Variants in FOXP2 observed in about 807,000 individuals in gnomAD.
FOXP2 encodes forkhead box protein P2.
A neutral mutation model predicts 115.8 loss-of-function variants in FOXP2; 12 were observed. The observed-to-expected ratio is 0.10, with a 90% CI of 0.07 to 0.17. The LOEUF (loss-of-function observed/expected upper bound fraction) is 0.17, where lower values mean the gene tolerates loss of function less well. FOXP2 is among the 10% of genes least tolerant of loss of function. The pLI, the probability that FOXP2 is intolerant of heterozygous loss-of-function variation, is 1.00. For synonymous variants in FOXP2, 328 were observed against 297.7 expected (o/e 1.10, Z -1.05); for missense variants, 629 against 843.5 (o/e 0.75, Z 3.15).
At chr7:114,661,737 CA>C in intron 13 of FOXP2, 1 of 352,884 alleles carries the variant, frequency 2.8e-6, no homozygotes, top group Non-Finnish European at 5.5e-6. Context: ...ATCAGGGACA[CA>C]ACAGAGCTGA....
intron 16 of FOXP2, among the ~76,000 whole-genome samples, chr7:114,681,411 T>G (rs1160080183): frequency 1.3e-5 from 2 of 152,182 alleles, no homozygotes; most frequent in Non-Finnish European, 2.9e-5. Flanking sequence ...GTTAATCTAT[T>G]TAAGATTTTT....
intron 1 of FOXP2, among the ~76,000 whole-genome samples, chr7:114,116,254 T>A (rs917214000): frequency 6.6e-6 from 1 of 152,104 alleles, no homozygotes; most frequent in Non-Finnish European, 1.5e-5. Context: ...TGGAGAGCCT[T>A]CCAGGATTGG....
At chr7:114,154,929 T>C (rs1163743356) in intron 1 of FOXP2, among the ~76,000 whole-genome samples, 3 of 152,088 alleles carry the variant, frequency 2.0e-5, no homozygotes, top group African/African-American at 7.2e-5. Flanking sequence ...TCTTCCCAGT[T>C]AGAAGATCCT....
chr7:114,630,247 A>G (rs1308705804), intron 5 of FOXP2, among the ~76,000 whole-genome samples: 1 of 152,144 alleles, frequency 6.6e-6, no homozygotes, highest in Non-Finnish European at 1.5e-5. Flanking sequence ...ATCACAGTAC[A>G]AAGAGCAAGC....
chr7:114,176,252 C>T (rs1305398056), intron 1 of FOXP2, among the ~76,000 whole-genome samples: 65 of 149,296 alleles, frequency 4.4e-4, no homozygotes, highest in Middle Eastern at 3.5e-3. Context: ...TTCTTTCTCT[C>T]TCTCTCTTTC....
At chr7:114,471,254 G>T (rs983247139) in intron 2 of FOXP2, among the ~76,000 whole-genome samples, 1 of 152,056 alleles carries the variant, frequency 6.6e-6, no homozygotes, top group African/African-American at 2.4e-5. Context: ...TTATGAAAAA[G>T]ATTGACTTAG....
At chr7:114,107,234 C>T (rs1290287027) in intron 1 of FOXP2, among the ~76,000 whole-genome samples, 1 of 151,914 alleles carries the variant, frequency 6.6e-6, no homozygotes, top group Non-Finnish European at 1.5e-5. Context: ...AATGGAGTAG[C>T]TTTCTGTTTT....
At chr7:114,244,991 T>C (rs369623156) in intron 1 of FOXP2, among the ~76,000 whole-genome samples, 17 of 152,300 alleles carry the variant, frequency 1.1e-4, no homozygotes, top group South Asian at 1.0e-3. Context: ...CTCGATCTCC[T>C]GACCTCGTGA....
intron 1 of FOXP2, among the ~76,000 whole-genome samples, chr7:114,187,532 C>A (rs1324955151): frequency 6.6e-6 from 1 of 152,178 alleles, no homozygotes; most frequent in Non-Finnish European, 1.5e-5. Context: ...TAGGCAGATT[C>A]AGATTTTTCC....
intron 1 of FOXP2, among the ~76,000 whole-genome samples, chr7:114,131,779 G>T (rs2129145347): frequency 6.6e-6 from 1 of 152,222 alleles, no homozygotes; most frequent in East Asian, 1.9e-4. Flanking sequence ...AAAATTCTTT[G>T]TACAAAGCTG....
intron 3 of FOXP2, among the ~76,000 whole-genome samples, chr7:114,549,345 T>C (rs980381180): frequency 5.9e-5 from 9 of 152,162 alleles, no homozygotes; most frequent in African/African-American, 9.7e-5. Context: ...GTCTCTTTTT[T>C]CCCCCACTCT....
intron 1 of FOXP2, among the ~76,000 whole-genome samples, chr7:114,164,100 C>T (rs947432482): frequency 4.6e-5 from 7 of 152,076 alleles, no homozygotes; most frequent in Non-Finnish European, 7.4e-5. Flanking sequence ...AAGTGGCCCA[C>T]GGTGAAAAAT....
chr7:114,474,378 A>G (rs563324601), intron 2 of FOXP2, among the ~76,000 whole-genome samples: 1 of 152,288 alleles, frequency 6.6e-6, no homozygotes, highest in Non-Finnish European at 1.5e-5. Context: ...AAGGCTATAC[A>G]CATCAACAAA....
intron 2 of FOXP2, among the ~76,000 whole-genome samples, chr7:114,519,535 TA>T (rs1475108886): frequency 1.3e-5 from 2 of 152,152 alleles, no homozygotes; most frequent in Non-Finnish European, 2.9e-5. Flanking sequence ...TGTAATGGCT[TA>T]ACTTCAACAT....
chr7:114,683,079 G>A (rs1410615695), intron 16 of FOXP2, among the ~76,000 whole-genome samples: 1 of 152,026 alleles, frequency 6.6e-6, no homozygotes, highest in African/African-American at 2.4e-5. Flanking sequence ...TAGCCATTGG[G>A]GAAAATTTTA....
At chr7:114,086,608 C>A (rs1179776658), upstream of FOXP2, 6 of 405,684 alleles carry the variant, frequency 1.5e-5, no homozygotes. Context: ...CGTCCCCGGT[C>A]GCGGTAAGTT....
At position 114,116,300 on chromosome 7, in the gene FOXP2, G is replaced by C. The variant is rs560656789; in HGVS notation, c.-247+28462G>C. On this transcript the variant is annotated intron_variant, in intron 1 of 19. Coordinates refer to the FOXP2 transcript ENST00000635638. ...CTGGGAACCAGAGTGGCAGAAGAAGGGGCAGTTGCAAGTAAGAAAACTGCC... is the reference window on the plus strand; with the variant it reads ...CTGGGAACCAGAGTGGCAGAAGAAGCGGCAGTTGCAAGTAAGAAAACTGCC... Among the ~76,000 whole-genome samples, 28 of 152,198 alleles carry C rather than the reference G, an allele frequency of 1.8e-4. No homozygotes were observed. In the East Asian group the frequency reaches 5.4e-3, roughly 29 times the overall value.
chr7:114,341,536 A>G (rs888357685), intron 2 of FOXP2, among the ~76,000 whole-genome samples: 5 of 151,360 alleles, frequency 3.3e-5, no homozygotes, highest in Admixed American at 2.0e-4. Flanking sequence ...CCTAATATGA[A>G]CATCAAATGT....
At chr7:114,430,695 C>T (rs1794066035) in intron 2 of FOXP2, among the ~76,000 whole-genome samples, 1 of 151,780 alleles carries the variant, frequency 6.6e-6, no homozygotes, top group Admixed American at 6.6e-5. Flanking sequence ...ATTACAATTC[C>T]TGTGAAGCTG....
Sources: allele counts gnomAD v4.1 joint callset (sites outside exome capture counted in the v4.1 genomes callset), GRCh38; gene constraint gnomAD v4.1.1; transcripts MANE v1.5; gene names NCBI Gene and HGNC (gene_info 2026-07-23, HGNC 2026-07-21).